The following BSN variants were observed in gnomAD, a reference collection of about 807,000 sequenced individuals.
BSN encodes bassoon presynaptic cytomatrix protein.
A neutral mutation model predicts 264.8 loss-of-function variants in BSN; 57 were observed. That is an observed-to-expected ratio of 0.22 (90% CI 0.17 to 0.27). BSN has a LOEUF of 0.27. BSN is among the 10% of genes least tolerant of loss of function. The pLI is 1.00. For synonymous variants in BSN, 2,059 were observed against 2,137.3 expected, an observed-to-expected ratio of 0.96 and a Z score of 1.01; for missense variants, 4,615 against 5,232.5, an observed-to-expected ratio of 0.88 and a Z score of 3.64.
At chr3:49,597,520 A>G (rs1277107340) in intron 1 of BSN, among the ~76,000 whole-genome samples, 1 of 151,870 alleles carries the variant, frequency 6.6e-6, no homozygotes, top group African/African-American at 2.4e-5. Context: ...TTGTAGAGAC[A>G]GGGTCTCACT....
At chr3:49,644,954 C>A (rs767994652) in intron 3 of BSN, among the ~76,000 whole-genome samples, 1 of 152,222 alleles carries the variant, frequency 6.6e-6, no homozygotes, top group Non-Finnish European at 1.5e-5. Context: ...CTAGATGAAA[C>A]GTCTGGATTC....
In BSN at chr3:49,656,935, A is replaced by T. The variant is rs2052608700; in HGVS notation, c.7379A>T (p.Gln2460Leu). The T allele has an allele frequency of 5.0e-6, 8 of 1,599,174 alleles. No homozygotes were observed. Among genetic ancestry groups the T allele is most frequent in the Non-Finnish European group, 6.8e-6 (8 of 1,171,884 alleles). The change falls in exon 5 of 12, where the codon CAG becomes CTG. Residue 2460 changes from glutamine to leucine, a missense_variant. By Grantham distance (113) the Gln-to-Leu change is moderately radical (BLOSUM62 -2). Transcript: ENST00000296452. ...LQLEQIQQLQQQLQQQLEEQK... is the reference protein window; with the variant it reads ...LQLEQIQQLQLQLQQQLEEQK... ...CTGGAGCAGATCCAGCAGCTGCAGC[A>T]GCAGCTGCAGCAGCAGCTAGAGGAG...
At chr3:49,671,918 T>C (rs2052773377), downstream of BSN, among the ~76,000 whole-genome samples, 1 of 152,102 alleles carries the variant, frequency 6.6e-6, no homozygotes, top group Non-Finnish European at 1.5e-5. The surrounding 1 kb of genome is among the most constrained non-coding windows in gnomAD (Gnocchi z 4.1). Flanking sequence ...CCTCTCTGCC[T>C]TGCTCCGAAT....
intron 2 of BSN, among the ~76,000 whole-genome samples, chr3:49,637,618 A>G (rs2052429016): frequency 6.6e-6 from 1 of 152,172 alleles, no homozygotes; most frequent in African/African-American, 2.4e-5. Flanking sequence ...GCCCTTCTGC[A>G]CACTGAATAG....
Position 49,661,086 on chromosome 3 carries a change from C to T in BSN, c.9241C>T (p.Pro3081Ser). Residue 3081 changes from proline to serine, a missense_variant, in exon 6 of 12, where the codon CCC becomes TCC. By Grantham distance (74) the Pro-to-Ser change is moderately conservative (BLOSUM62 -1). This residue lies in a region of BSN where 3,415 missense variants were observed against 3,866.4 expected (regional missense o/e 0.88). Transcript: ENST00000296452. ...TQNGFPAHQA[P>S]TYPGPSTYPA... ...GAACGGATTCCCAGCCCACCAGGCC[C>T]CCACCTACCCTGGCCCCAGCACGTA... 1 of 1,612,580 alleles carries T rather than the reference C, an allele frequency of 6.2e-7. No individual in the cohort carries two copies. Among genetic ancestry groups the T allele is most frequent in the Non-Finnish European group, 8.5e-7 (1 of 1,179,904 alleles).
chr3:49,557,477 C>T (rs900391065), intron 1 of BSN, among the ~76,000 whole-genome samples: 3 of 152,130 alleles, frequency 2.0e-5, no homozygotes, highest in African/African-American at 7.2e-5. Flanking sequence ...TTTATCAGTA[C>T]CCCAGAAAGT....
At chr3:49,629,066 TG>T (rs1033027343) in intron 2 of BSN, among the ~76,000 whole-genome samples, 6 of 152,300 alleles carry the variant, frequency 3.9e-5, no homozygotes, top group African/African-American at 1.4e-4. Context: ...AATGCACTGA[TG>T]CCAGGGGGCC....
Position 49,651,372 on chromosome 3 carries a change from T to C in BSN, c.1987-171T>C. 1.3e-6 allele frequency: 1 copy of C among 760,288 alleles called. No individual in the cohort carries two copies. The highest frequency in any genetic ancestry group is 2.1e-5 in the South Asian group (1 of 48,718). 47.1% of individuals were successfully genotyped at this position (760,288 alleles called of 1,614,324 possible). The stretch of plus-strand genomic sequence containing the variant: ...ACCAAGGGCTGGTTTGGGCTTGCCA[T>C]GGAACCTTCAGGTTATTCAAGGCCA... On this transcript the variant is annotated intron_variant, in intron 4 of 11. Transcript: ENST00000296452. The surrounding 1 kb of genome is among the most constrained non-coding windows in gnomAD (Gnocchi z 5.4).
rs144352282 is a variant in BSN, at chr3:49,612,961, C to T, written c.225-12014C>T. ...CAGCCTGACCAACATGGAGAAACCC[C>T]GTCTCTACTAAAAATACAAAAACTA... On this transcript the variant is annotated intron_variant, in intron 1 of 11. Coordinates refer to ENST00000296452, the MANE Select transcript of BSN (RefSeq NM_003458.4). 9.3e-4 allele frequency among the ~76,000 whole-genome samples: 141 copies of T among 152,134 alleles called. 2 individuals are homozygous for T. In the East Asian group the frequency reaches 0.012, roughly 13 times the overall value.
intron 1 of BSN, among the ~76,000 whole-genome samples, chr3:49,576,920 CA>C (rs1285881383): frequency 6.6e-6 from 1 of 152,190 alleles, no homozygotes. Context: ...TGTGTCCCTT[CA>C]GAGACTCAAC....
In BSN at chr3:49,642,182, T is replaced by C; in HGVS notation, c.634-86T>C. 8.8e-7 allele frequency: 1 copy of C among 1,140,296 alleles called. No individual in the cohort carries two copies. The highest frequency in any genetic ancestry group is 1.2e-6 in the Non-Finnish European group (1 of 842,068). The allele number at this position is 1,140,296 out of a possible 1,614,324, so 70.6% of individuals were successfully genotyped here. A position where few individuals can be genotyped will look rare whatever the true frequency, so the allele number is the denominator to read the frequency against. On this transcript the variant is annotated intron_variant, in intron 2 of 11. Transcript: ENST00000296452. This position sits in a 1 kb window ranked among gnomAD's most constrained non-coding sequence, Gnocchi z 7.0. The stretch of plus-strand genomic sequence containing the variant: ...GCTCCTGCCTGTGCTAGGAGTGGCC[T>C]TGGCTGCTGTGGGGCCTGCACTGAC...
At chr3:49,658,816 A>C (rs1161318021) in intron 5 of BSN, among the ~76,000 whole-genome samples, 1 of 152,118 alleles carries the variant, frequency 6.6e-6, no homozygotes, top group Non-Finnish European at 1.5e-5. Context: ...GCATAAGCTT[A>C]CCCTTGGTTG....
At chr3:49,649,107 T>C (rs2052520083) in intron 3 of BSN, among the ~76,000 whole-genome samples, 1 of 152,108 alleles carries the variant, frequency 6.6e-6, no homozygotes. Flanking sequence ...ATCATTGACA[T>C]GTTATCTGCC....
intron 1 of BSN, among the ~76,000 whole-genome samples, chr3:49,583,337 A>G (rs6782577): frequency 0.5 from 75,567 of 152,060 alleles, 20,407 homozygotes; most frequent in East Asian, 0.93. Context: ...AAGGATGTAC[A>G]ATACTTCTAA....
At position 49,656,620 on chromosome 3, in the gene BSN, A is replaced by G; in HGVS notation, c.7064A>G (p.Glu2355Gly). The G allele has an allele frequency of 6.2e-7, 1 of 1,608,536 alleles. No homozygotes were observed. Among genetic ancestry groups the G allele is most frequent in the Non-Finnish European group, 8.5e-7 (1 of 1,177,370 alleles). ...GGGGCCCTCAGCCGGCCAGGGTTCG[A>G]GAAAGAGGAAGCATCACAGGAGGAG... ...GSGALSRPGF[E>G]KEEASQEERQ... The change falls in exon 5 of 12, where the codon GAG (glutamate) becomes GGG (glycine). Residue 2355 changes from glutamate (E) to glycine (G), a missense_variant. Transcript: ENST00000296452.
chr3:49,614,522 C>T (rs573453154), intron 1 of BSN, among the ~76,000 whole-genome samples: 7 of 152,254 alleles, frequency 4.6e-5, no homozygotes, highest in African/African-American at 1.4e-4. Context: ...CTACTGTATA[C>T]CTACTGGTCT....
intron 1 of BSN, among the ~76,000 whole-genome samples, chr3:49,556,627 T>C (rs62261249): frequency 0.19 from 28,212 of 152,116 alleles, 3,161 homozygotes; most frequent in Middle Eastern, 0.27. Flanking sequence ...CATTAGGAGG[T>C]GGGATTTACT....
chr3:49,602,566 C>G (rs997868635), intron 1 of BSN, among the ~76,000 whole-genome samples: 2 of 151,892 alleles, frequency 1.3e-5, no homozygotes, highest in African/African-American at 4.8e-5. Flanking sequence ...TTGCCTCAGC[C>G]TCATGAAAAG....
chr3:49,628,081 A>G (rs1455338137), intron 2 of BSN, among the ~76,000 whole-genome samples: 1 of 152,206 alleles, frequency 6.6e-6, no homozygotes, highest in Non-Finnish European at 1.5e-5. Flanking sequence ...CCAGAGAAGG[A>G]CGTGGGCCAC....
Sources: gnomAD v4.1 joint callset for allele counts (sites outside exome capture counted in the v4.1 genomes callset) on GRCh38, gnomAD v4.1.1 for gene constraint, gnomAD v4.1.1 regional missense constraint, Gnocchi (gnomAD v3.1) non-coding constraint, MANE v1.5 for transcripts, NCBI Gene and HGNC (gene_info 2026-07-23, HGNC 2026-07-21) for gene names.